The following RBFOX1 variants were observed in gnomAD, a reference collection of about 807,000 sequenced individuals.
RBFOX1 encodes RNA binding fox-1 homolog 1, also known as RNA binding protein fox-1 homolog 1.
In RBFOX1, 8 loss-of-function variants were observed where a neutral mutation model predicts 57.7. That is an observed-to-expected ratio of 0.14 (90% confidence interval 0.08 to 0.25). RBFOX1 has a LOEUF of 0.25. Among genes scored for constraint, RBFOX1 ranks in the 10% least tolerant of loss-of-function variants. RBFOX1 has a pLI of 1.00. For missense variants in RBFOX1, 611 were observed against 548.5 expected (o/e 1.11, Z -1.14); for synonymous variants, 326 against 222.4 (o/e 1.47, Z -4.15).
chr16:6,657,913 T>C (rs1487972940), intron 3 of RBFOX1, among the ~76,000 whole-genome samples: 1 of 152,122 alleles, frequency 6.6e-6, no homozygotes, highest in African/African-American at 2.4e-5. Flanking sequence ...AATCACTTTA[T>C]TTTTTATTAT....
chr16:5,775,065 CCACAGTGCTTATAAAGT>C (rs1373028155), intron 3 of RBFOX1, among the ~76,000 whole-genome samples: 1 of 152,132 alleles, frequency 6.6e-6, no homozygotes, highest in Non-Finnish European at 1.5e-5. Context: ...TGGAAAATCT[CCACAGTGCTTATAAAGT>C]CACAGTGAAT....
At chr16:6,707,846 C>A (rs2063040641) in intron 3 of RBFOX1, among the ~76,000 whole-genome samples, 1 of 152,258 alleles carries the variant, frequency 6.6e-6, no homozygotes, top group South Asian at 2.1e-4. Context: ...AAGCTCAAAG[C>A]GCCACAAAGA....
At chr16:5,842,783 G>T (rs144940104) in intron 3 of RBFOX1, among the ~76,000 whole-genome samples, 1 of 151,832 alleles carries the variant, frequency 6.6e-6, no homozygotes, top group East Asian at 1.9e-4. Context: ...TGTACCAATC[G>T]CTTTGACCAC....
intron 1 of RBFOX1, among the ~76,000 whole-genome samples, chr16:5,437,391 G>A (rs991250211): frequency 2.6e-5 from 4 of 152,128 alleles, no homozygotes; most frequent in African/African-American, 9.7e-5. Flanking sequence ...ACCTTAAAGA[G>A]ACCTTGAACC....
intron 1 of RBFOX1, among the ~76,000 whole-genome samples, chr16:5,272,429 G>T (rs111403021): frequency 6.6e-6 from 1 of 152,208 alleles, no homozygotes; most frequent in East Asian, 1.9e-4. Flanking sequence ...CACCAAGGCT[G>T]TTGCTCTCAG....
At chr16:6,976,013 G>T (rs1477119858) in intron 3 of RBFOX1, among the ~76,000 whole-genome samples, 1 of 152,134 alleles carries the variant, frequency 6.6e-6, no homozygotes, top group South Asian at 2.1e-4. Context: ...TGTAATCTCA[G>T]CTATTTGAGA....
intron 11 of RBFOX1, among the ~76,000 whole-genome samples, chr16:7,648,162 T>C (rs1019182674): frequency 1.3e-5 from 2 of 152,188 alleles, no homozygotes; most frequent in African/African-American, 4.8e-5. Flanking sequence ...TTATTCGTGT[T>C]AGTGGCATGC....
chr16:6,776,636 A>G (rs2079417387), intron 3 of RBFOX1, among the ~76,000 whole-genome samples: 1 of 152,092 alleles, frequency 6.6e-6, no homozygotes, highest in South Asian at 2.1e-4. Context: ...TCCCTTTCAA[A>G]TCGGTATGCC....
intron 3 of RBFOX1, among the ~76,000 whole-genome samples, chr16:6,857,039 G>A (rs989500243): frequency 6.6e-5 from 10 of 152,098 alleles, no homozygotes; most frequent in South Asian, 2.1e-4. Flanking sequence ...ACTGCAAATC[G>A]TGTTCAACCC....
At chr16:6,659,934 A>G (rs1258021132) in intron 3 of RBFOX1, among the ~76,000 whole-genome samples, 2 of 152,138 alleles carry the variant, frequency 1.3e-5, no homozygotes, top group Non-Finnish European at 2.9e-5. Flanking sequence ...ATTATTGCTT[A>G]AAGAGTATTA....
At chr16:6,738,977 G>A (rs952145100) in intron 3 of RBFOX1, among the ~76,000 whole-genome samples, 1 of 152,072 alleles carries the variant, frequency 6.6e-6, no homozygotes, top group African/African-American at 2.4e-5. Flanking sequence ...TGTGTGTGTC[G>A]CAGCCAAAGC....
rs1411023565 is a variant in RBFOX1 at position 5,422,800 on chromosome 16, A to G, written c.220-44416A>G. Among the ~76,000 whole-genome samples, 7 of 106,620 alleles carry G rather than the reference A, an allele frequency of 6.6e-5. No homozygotes were observed. In the East Asian group the frequency reaches 2.1e-3, roughly 32 times the overall value. 69.9% of individuals were successfully genotyped at this position (106,620 alleles called of 152,430 possible). ...GAGAAGGGAGAGGGAGTGGGAAGAAAGAGGAGGAGGAGGAGGGAGTGGGAG... is the reference window on the plus strand; with the variant it reads ...GAGAAGGGAGAGGGAGTGGGAAGAAGGAGGAGGAGGAGGAGGGAGTGGGAG... On this transcript the variant is annotated intron_variant, in intron 1 of 2. Coordinates refer to the RBFOX1 transcript ENST00000585867.
intron 3 of RBFOX1, among the ~76,000 whole-genome samples, chr16:6,913,396 T>G (rs898444683): frequency 1.3e-5 from 2 of 152,080 alleles, no homozygotes; most frequent in Non-Finnish European, 2.9e-5. Context: ...TGCTGTCTCT[T>G]CCGGCAAGCC....
intron 4 of RBFOX1, among the ~76,000 whole-genome samples, chr16:7,439,067 GTC>G (rs144956387): frequency 0.021 from 3,255 of 152,300 alleles, 103 homozygotes; most frequent in African/African-American, 0.074. Context: ...CCAACGCAGA[GTC>G]TCTCTGTGCA....
intron 3 of RBFOX1, among the ~76,000 whole-genome samples, chr16:5,860,357 G>A (rs1025486005): frequency 6.6e-6 from 1 of 152,170 alleles, no homozygotes; most frequent in Non-Finnish European, 1.5e-5. Context: ...TTACAGACGT[G>A]AGCCACCGCG....
intron 3 of RBFOX1, among the ~76,000 whole-genome samples, chr16:5,703,179 C>T (rs1558221): frequency 0.22 from 32,712 of 152,120 alleles, 4,633 homozygotes; most frequent in East Asian, 0.65. Context: ...TGCAACTTTG[C>T]TATGAAAGAG....
chr16:5,503,634 AG>A (rs1346418632), intron 2 of RBFOX1, among the ~76,000 whole-genome samples: 12 of 152,024 alleles, frequency 7.9e-5, no homozygotes, highest in Non-Finnish European at 1.6e-4. Context: ...AGTAGAGATG[AG>A]GTTTCCCCAT....
At chr16:5,257,150 CAAGA>C (rs1274591663) in intron 1 of RBFOX1, among the ~76,000 whole-genome samples, 2 of 132,492 alleles carry the variant, frequency 1.5e-5, no homozygotes, top group African/African-American at 3.0e-5. Context: ...GTAAAAAAAC[CAAGA>C]AACAAACAAA....
chr16:5,758,237 C>G (rs571947927), intron 3 of RBFOX1, among the ~76,000 whole-genome samples: 53 of 152,308 alleles, frequency 3.5e-4, no homozygotes, highest in African/African-American at 1.2e-3. Context: ...CGATTCTTCA[C>G]TTTCTTCATG....
Sources: gnomAD v4.1 joint callset for allele counts (sites outside exome capture counted in the v4.1 genomes callset) on GRCh38, gnomAD v4.1.1 for gene constraint, MANE v1.5 for transcripts, NCBI Gene and HGNC (gene_info 2026-07-23, HGNC 2026-07-21) for gene names.